Variants in TENM1 observed in about 807,000 individuals in gnomAD.
The protein encoded by TENM1 is teneurin-1.
In TENM1, 35 loss-of-function variants were observed where a neutral mutation model predicts 174.8. That is an observed-to-expected ratio of 0.20 (90% CI 0.15 to 0.27). The LOEUF (loss-of-function observed/expected upper bound fraction) is 0.27. Among genes scored for constraint, TENM1 ranks in the 10% least tolerant of loss-of-function variants. The pLI is 1.00. For missense variants in TENM1, 1,633 were observed against 2,130.1 expected, an observed-to-expected ratio of 0.77 and a Z score of 4.59; for synonymous variants, 781 against 798.7, an observed-to-expected ratio of 0.98 and a Z score of 0.37.
chrX:124,833,962 A>T (rs761106341), intron 3 of TENM1, among the ~76,000 whole-genome samples: 1 of 110,655 alleles, frequency 9.0e-6, no homozygotes, highest in Non-Finnish European at 1.9e-5. Context: ...TGCTGGTGAG[A>T]AAAGAAAAAC....
chrX:124,769,757 G>A (rs2054613509), intron 3 of TENM1, among the ~76,000 whole-genome samples: 1 of 112,064 alleles, frequency 8.9e-6, no homozygotes, highest in Non-Finnish European at 1.9e-5. Flanking sequence ...TATATCCAAT[G>A]TGTATCTATC....
intron 1 of TENM1, among the ~76,000 whole-genome samples, chrX:124,926,029 A>G (rs1008728102): frequency 8.9e-6 from 1 of 112,405 alleles, no homozygotes; most frequent in Non-Finnish European, 1.9e-5. Flanking sequence ...TTTACTTTTA[A>G]ATGCTAATAA....
chrX:125,128,302 G>C, the TENM1 span, among the ~76,000 whole-genome samples: 2 of 111,817 alleles, frequency 1.8e-5, no homozygotes, highest in Non-Finnish European at 3.8e-5. Context: ...GAAGGAGACT[G>C]AGTTTCAATT....
At chrX:125,111,281 T>C in the TENM1 span, among the ~76,000 whole-genome samples, 4 of 111,152 alleles carry the variant, frequency 3.6e-5, no homozygotes, top group Non-Finnish European at 7.5e-5. Flanking sequence ...TAAAGAGTGA[T>C]TGGGGAGCTG....
At chrX:124,903,218 T>A (rs1408400014) in intron 1 of TENM1, among the ~76,000 whole-genome samples, 1 of 111,901 alleles carries the variant, frequency 8.9e-6, no homozygotes, top group Admixed American at 9.5e-5. Flanking sequence ...CATCTGTCAG[T>A]ATACGGAAAA....
At chrX:124,741,180 C>T (rs768580435) in intron 3 of TENM1, among the ~76,000 whole-genome samples, 16 of 111,747 alleles carry the variant, frequency 1.4e-4, no homozygotes, top group African/African-American at 4.5e-4. Context: ...CCTTCAGAAA[C>T]AACATTGCCT....
At chrX:124,431,534 C>T (rs752482879) in intron 23 of TENM1, among the ~76,000 whole-genome samples, 3 of 112,011 alleles carry the variant, frequency 2.7e-5, no homozygotes, top group Non-Finnish European at 3.8e-5. Flanking sequence ...CTGACAACTC[C>T]AGATTGTTAG....
chrX:124,776,235 A>T (rs760348750), intron 3 of TENM1, among the ~76,000 whole-genome samples: 2 of 111,884 alleles, frequency 1.8e-5, no homozygotes, highest in Non-Finnish European at 3.8e-5. Context: ...GAGAGGATGT[A>T]CTTCAGGAAG....
intron 15 of TENM1, among the ~76,000 whole-genome samples, chrX:124,544,822 T>G (rs751103953): frequency 1.5e-3 from 165 of 111,969 alleles, no homozygotes; most frequent in Non-Finnish European, 2.3e-3. Flanking sequence ...GGGCAAGTTA[T>G]TTAATCTCTC....
At chrX:124,643,775 A>G (rs2051078375) in intron 10 of TENM1, among the ~76,000 whole-genome samples, 1 of 110,112 alleles carries the variant, frequency 9.1e-6, no homozygotes, top group Admixed American at 9.8e-5. Context: ...GTGACCCCGG[A>G]GAAGACAAAT....
At chrX:124,919,149 CTTTTA>C (rs1385555864) in intron 1 of TENM1, among the ~76,000 whole-genome samples, 3 of 112,178 alleles carry the variant, frequency 2.7e-5, no homozygotes, top group Non-Finnish European at 5.6e-5. Flanking sequence ...CCTATTCAAA[CTTTTA>C]TTTGATACTC....
chrX:124,647,753 G>A (rs1033861950), intron 8 of TENM1, among the ~76,000 whole-genome samples: 1 of 109,075 alleles, frequency 9.2e-6, no homozygotes, highest in Admixed American at 9.8e-5. Flanking sequence ...GTGTGTGTGT[G>A]TTTGTGTGTG....
At chrX:124,510,022 C>A (rs1369199496) in intron 18 of TENM1, among the ~76,000 whole-genome samples, 1 of 112,369 alleles carries the variant, frequency 8.9e-6, no homozygotes, top group Non-Finnish European at 1.9e-5. Context: ...CCATGCCCAG[C>A]CTACTTTCTG....
intron 2 of TENM1, among the ~76,000 whole-genome samples, 156 bp downstream of exon 5, chrX:124,895,825 C>T (rs953889935): frequency 4.5e-5 from 5 of 112,190 alleles, no homozygotes; most frequent in African/African-American, 6.5e-5. Context: ...TTGCCAGATA[C>T]TTAGGTGCAT....
intron 22 of TENM1, among the ~76,000 whole-genome samples, chrX:124,479,875 G>C (rs1441715687): frequency 8.9e-6 from 1 of 111,747 alleles, no homozygotes; most frequent in Non-Finnish European, 1.9e-5. Context: ...TTGCACCCGA[G>C]TTATTTATTC....
intron 3 of TENM1, among the ~76,000 whole-genome samples, chrX:124,741,492 G>T (rs1394623981): frequency 1.8e-5 from 2 of 111,351 alleles, no homozygotes; most frequent in East Asian, 5.6e-4. Flanking sequence ...TGGAAAAAAT[G>T]AAGTTAGGGA....
At chrX:124,724,144 C>T (rs2053390608) in intron 4 of TENM1, among the ~76,000 whole-genome samples, 2 of 111,566 alleles carry the variant, frequency 1.8e-5, no homozygotes, top group East Asian at 2.8e-4. Context: ...AGATGGCTCA[C>T]GTAGGTGTTC....
In TENM1 at chrX:124,857,908, GAC is replaced by G. The variant is rs890285496; in HGVS notation, c.535+36386_535+36387del. 4.1e-4 allele frequency among the ~76,000 whole-genome samples: 46 copies of G among 110,856 alleles called. No homozygotes were observed. In the Middle Eastern group the frequency reaches 0.024, roughly 58 times the overall value. On this transcript the variant is annotated intron_variant, in intron 3 of 31. Coordinates refer to ENST00000422452, the Ensembl canonical transcript of TENM1. ...AAATATAGAAGAAAATAAAGAAAAA[GAC>G]AAAATATTCATATCCATACTTCAAG...
At chrX:124,377,992 G>GA (rs1556622813) in exon 32 of TENM1, 1 of 105,560 alleles carries the variant, frequency 9.5e-6, no homozygotes, top group Non-Finnish European at 2.0e-5. Flanking sequence ...TAGTAGTTTT[G>GA]TTTTTTTTTT....
Sources: gnomAD v4.1 joint callset for allele counts (sites outside exome capture counted in the v4.1 genomes callset) on GRCh38, gnomAD v4.1.1 for gene constraint, MANE v1.5 for transcripts, NCBI Gene and HGNC (gene_info 2026-07-23, HGNC 2026-07-21) for gene names.